Variants in ASIC2 observed in about 807,000 individuals in gnomAD.
ASIC2 encodes the protein acid-sensing ion channel 2.
In ASIC2, 25 loss-of-function variants were observed where a neutral mutation model predicts 57.3. That is an observed-to-expected ratio of 0.44 (90% CI 0.32 to 0.61). The LOEUF (loss-of-function observed/expected upper bound fraction) is 0.61, where lower values mean the gene tolerates loss of function less well. Among genes scored for constraint, ASIC2 ranks in the 20% least tolerant of loss-of-function variants. The pLI, the probability that ASIC2 is intolerant of heterozygous loss-of-function variation, is 0.06. For missense variants in ASIC2, 641 were observed against 738.1 expected, an observed-to-expected ratio of 0.87 and a Z score of 1.52; for synonymous variants, 319 against 307.5, an observed-to-expected ratio of 1.04 and a Z score of -0.39.
intron 1 of ASIC2, among the ~76,000 whole-genome samples, chr17:34,149,125 G>A (rs59979237): frequency 0.13 from 7,534 of 59,908 alleles, 680 homozygotes; most frequent in African/African-American, 0.34. Context: ...TTTTTTTTTT[G>A]AGACAGTGTC....
intron 1 of ASIC2, among the ~76,000 whole-genome samples, chr17:33,749,759 A>G (rs912595976): frequency 6.6e-6 from 1 of 151,958 alleles, no homozygotes; most frequent in Non-Finnish European, 1.5e-5. Context: ...CTGCTCTCCA[A>G]TTTGGTCTCT....
intron 1 of ASIC2, among the ~76,000 whole-genome samples, chr17:33,183,637 C>G (rs1398169947): frequency 1.3e-5 from 2 of 152,204 alleles, no homozygotes; most frequent in Admixed American, 1.3e-4. Context: ...CTATCAAAAT[C>G]TGGGTGAGCA....
intron 1 of ASIC2, among the ~76,000 whole-genome samples, chr17:33,662,667 AT>A (rs1436267469): frequency 9.0e-6 from 1 of 110,798 alleles, no homozygotes; most frequent in African/African-American, 3.8e-5. Flanking sequence ...AAATAAATAA[AT>A]AAGTAAAATA....
intron 1 of ASIC2, among the ~76,000 whole-genome samples, chr17:33,857,390 A>T (rs933536134): frequency 6.6e-6 from 1 of 152,226 alleles, no homozygotes; most frequent in Non-Finnish European, 1.5e-5. Flanking sequence ...ATGGGACTCC[A>T]GGACCAGAGA....
intron 1 of ASIC2, among the ~76,000 whole-genome samples, chr17:33,815,711 G>A (rs983159870): frequency 3.9e-5 from 6 of 152,240 alleles, no homozygotes; most frequent in Admixed American, 6.5e-5. Context: ...GAATTGATTT[G>A]TCTTTGTTTA....
chr17:33,664,629 G>A (rs948065866), intron 1 of ASIC2, among the ~76,000 whole-genome samples: 11 of 152,126 alleles, frequency 7.2e-5, no homozygotes, highest in African/African-American at 2.4e-4. Context: ...TATGGTCCCC[G>A]AGCATCCAGA....
intron 1 of ASIC2, among the ~76,000 whole-genome samples, chr17:33,573,585 A>G (rs149438385): frequency 0.029 from 4,473 of 152,214 alleles, 211 homozygotes; most frequent in African/African-American, 0.099. Flanking sequence ...TGTTTTTTCA[A>G]GACAGAGTCT....
At chr17:33,494,660 G>T (rs1913871266) in intron 1 of ASIC2, among the ~76,000 whole-genome samples, 1 of 152,172 alleles carries the variant, frequency 6.6e-6, no homozygotes, top group Non-Finnish European at 1.5e-5. Context: ...AGGAGCAATG[G>T]GGCTGGGGCT....
intron 1 of ASIC2, among the ~76,000 whole-genome samples, chr17:33,845,710 T>C (rs1479547852): frequency 6.6e-6 from 1 of 152,208 alleles, no homozygotes; most frequent in Non-Finnish European, 1.5e-5. Context: ...ATCTTTCTCA[T>C]GCAATGTATA....
intron 1 of ASIC2, among the ~76,000 whole-genome samples, chr17:34,059,003 C>G (rs1908870372): frequency 6.6e-6 from 1 of 152,194 alleles, no homozygotes; most frequent in Non-Finnish European, 1.5e-5. Context: ...TCATGGCAGA[C>G]AGGAGGCAGG....
intron 1 of ASIC2, among the ~76,000 whole-genome samples, chr17:33,407,252 AG>A: frequency 6.6e-6 from 1 of 152,346 alleles, no homozygotes; most frequent in East Asian, 1.9e-4. Flanking sequence ...TCAGTGCCCA[AG>A]GTCCCTCAAT....
rs540042483 is a variant in ASIC2 at position 33,579,818 on chromosome 17, G to A, written c.556-467751C>T. On this transcript the variant is annotated intron_variant, in intron 1 of 9. Transcript: ENST00000359872. Reference sequence around the variant, plus strand: ...CCGTGAAAAACACCCCTTGGATTTCGGCGTCTGGCTCGGGTGGGCTGCATT... The same window carrying A: ...CCGTGAAAAACACCCCTTGGATTTCAGCGTCTGGCTCGGGTGGGCTGCATT... Among the ~76,000 whole-genome samples, 25 of 152,124 alleles carry A rather than the reference G, an allele frequency of 1.6e-4. No individual in the cohort carries two copies. The South Asian group carries it at 4.0e-3, about 24-fold the overall frequency.
chr17:33,547,021 G>C (rs1301568647), intron 1 of ASIC2, among the ~76,000 whole-genome samples: 1 of 152,148 alleles, frequency 6.6e-6, no homozygotes, highest in Non-Finnish European at 1.5e-5. Context: ...TCAAACTTGA[G>C]GGTGCATCAG....
At chr17:33,259,092 C>T (rs990144357) in intron 1 of ASIC2, among the ~76,000 whole-genome samples, 1 of 152,104 alleles carries the variant, frequency 6.6e-6, no homozygotes. Flanking sequence ...GGCAGCCATT[C>T]CGGGTAATGG....
At chr17:33,284,132 T>C (rs1199055801) in intron 1 of ASIC2, among the ~76,000 whole-genome samples, 1 of 152,212 alleles carries the variant, frequency 6.6e-6, no homozygotes, top group Non-Finnish European at 1.5e-5. Flanking sequence ...GGCAAATTAA[T>C]AGTATAAACA....
chr17:33,640,434 A>G (rs1340454488), intron 1 of ASIC2, among the ~76,000 whole-genome samples: 3 of 152,214 alleles, frequency 2.0e-5, no homozygotes, highest in African/African-American at 7.2e-5. Flanking sequence ...TTTCTTTGCA[A>G]AAAAACCACA....
intron 1 of ASIC2, among the ~76,000 whole-genome samples, chr17:33,323,323 GTC>G (rs1906943164): frequency 6.6e-6 from 1 of 152,196 alleles, no homozygotes; most frequent in Admixed American, 6.5e-5. Flanking sequence ...TTGCGGTATA[GTC>G]ATACAGTAGA....
chr17:33,745,893 T>G (rs1220910409), intron 1 of ASIC2, among the ~76,000 whole-genome samples: 3 of 152,134 alleles, frequency 2.0e-5, no homozygotes, highest in African/African-American at 7.2e-5. Flanking sequence ...TATATAATTA[T>G]AAAATAAAGT....
At chr17:33,792,168 G>A (rs1204274941) in intron 1 of ASIC2, 2 of 152,174 alleles carry the variant, frequency 1.3e-5, no homozygotes, top group Non-Finnish European at 2.9e-5. Context: ...ACACAAATGA[G>A]AGTATTGAGG....
Sources: gnomAD v4.1 joint callset for allele counts (sites outside exome capture counted in the v4.1 genomes callset) on GRCh38, gnomAD v4.1.1 for gene constraint, MANE v1.5 for transcripts, NCBI Gene and HGNC (gene_info 2026-07-23, HGNC 2026-07-21) for gene names.